The following ASXL3 variants were observed in gnomAD, a reference collection of about 807,000 sequenced individuals.
ASXL3 encodes the protein putative Polycomb group protein ASXL3.
ASXL3 carries 34 observed loss-of-function variants against 170.6 expected under a neutral mutation model. The observed-to-expected ratio is 0.20, with a 90% CI of 0.15 to 0.27. The LOEUF is 0.27. Among genes scored for constraint, ASXL3 ranks in the 10% least tolerant of loss-of-function variants. The pLI is 1.00. For missense variants in ASXL3, 2,592 were observed against 2,695.3 expected (o/e 0.96, Z 0.85); for synonymous variants, 1,002 against 989.1 (o/e 1.01, Z -0.24).
chr18:33,694,709 CT>C, intron 8 of ASXL3, among the ~76,000 whole-genome samples: 1 of 152,028 alleles, frequency 6.6e-6, no homozygotes, highest in East Asian at 1.9e-4. Flanking sequence ...TGTTAAATAA[CT>C]AGTCACTGAA....
chr18:33,732,085 A>G (rs1179028061), intron 9 of ASXL3, 21 bp downstream of exon 9: 1 of 1,585,018 alleles, frequency 6.3e-7, no homozygotes, highest in Non-Finnish European at 8.6e-7. Flanking sequence ...ATTTTCTATT[A>G]TTATGTGACA....
At chr18:33,589,519 C>T (rs941832223) in intron 1 of ASXL3, among the ~76,000 whole-genome samples, 2 of 151,984 alleles carry the variant, frequency 1.3e-5, no homozygotes, top group African/African-American at 4.8e-5. Flanking sequence ...GAAGAAAGGG[C>T]ACAGTAAAAG....
intron 2 of ASXL3, among the ~76,000 whole-genome samples, chr18:33,631,658 T>C (rs953351307): frequency 1.3e-5 from 2 of 152,152 alleles, no homozygotes; most frequent in Admixed American, 6.6e-5. Context: ...GCTGCTGATA[T>C]CAGCGACTCT....
Position 33,746,532 on chromosome 18 carries a change from C to CT in ASXL3, c.6686dup (p.Cys2230LeufsTer3). On this transcript the variant is annotated frameshift_variant, in exon 12 of 12. Transcript: ENST00000269197. LOFTEE classifies it high-confidence loss of function. ...TGATTGTGTGCAAAGGCTGTGGGGC[C>CT]TTCTGCCATGACGACTGCATAGGTC... 1 of 1,612,432 alleles carries CT rather than the reference C, an allele frequency of 6.2e-7. No individual in the cohort carries two copies. The highest frequency in any genetic ancestry group is 8.5e-7 in the Non-Finnish European group (1 of 1,178,866).
At chr18:33,728,940 T>A (rs1032218713) in intron 8 of ASXL3, among the ~76,000 whole-genome samples, 2 of 152,118 alleles carry the variant, frequency 1.3e-5, no homozygotes, top group Non-Finnish European at 2.9e-5. Context: ...CCATCATGGC[T>A]TATATTGAAA....
intron 4 of ASXL3, among the ~76,000 whole-genome samples, chr18:33,652,766 A>T (rs1162826036): frequency 6.6e-6 from 1 of 151,990 alleles, no homozygotes; most frequent in Non-Finnish European, 1.5e-5. Context: ...GAGTTGTGTT[A>T]ACTTAATGAA....
In ASXL3 at chr18:33,744,770, C is replaced by A. The variant is rs773483988; in HGVS notation, c.4922C>A (p.Ala1641Asp). The change falls in exon 12 of 12, where the codon GCT becomes GAT. Residue 1641 changes from alanine to aspartate, a missense_variant. Ala to Asp is a moderately radical substitution (Grantham distance 126). This residue lies in a region of ASXL3 where 2,246 missense variants were observed against 2,219.6 expected (regional missense o/e 1.01). Transcript: ENST00000269197. ...KEYLEQSCPKAIKTEHANYLN... is the reference protein window; with the variant it reads ...KEYLEQSCPKDIKTEHANYLN... The stretch of plus-strand genomic sequence containing the variant: ...TATCTAGAGCAAAGCTGTCCAAAGG[C>A]TATCAAAACTGAACATGCCAACTAC... 2 of 1,614,006 alleles carry A rather than the reference C, an allele frequency of 1.2e-6. No homozygotes were observed. The highest frequency in any genetic ancestry group is 1.7e-6 in the Non-Finnish European group (2 of 1,179,898).
In ASXL3 at chr18:33,745,533, A is replaced by C. The variant is rs753644815; in HGVS notation, c.5685A>C (p.Lys1895Asn). The change falls in exon 12 of 12, where the codon AAA becomes AAC. Residue 1895 changes from lysine (K) to asparagine (N), a missense_variant. Coordinates refer to ENST00000269197, the MANE Select transcript of ASXL3 (RefSeq NM_030632.3). ...QNRIVHSPEV[K>N]QQKRLLPSCS... ...GAATTGTTCACAGCCCTGAGGTCAA[A>C]CAGCAAAAGCGGCTGCTCCCCTCGT... 1 of 1,613,868 alleles carries C rather than the reference A, an allele frequency of 6.2e-7. No individual in the cohort carries two copies. The highest frequency in any genetic ancestry group is 2.2e-5 in the East Asian group (1 of 44,870).
At chr18:33,729,406 G>A (rs1429529345) in intron 8 of ASXL3, among the ~76,000 whole-genome samples, 5 of 152,108 alleles carry the variant, frequency 3.3e-5, no homozygotes, top group African/African-American at 1.2e-4. Flanking sequence ...TTCAGAGAAA[G>A]TCTTAGAGTG....
chr18:33,724,783 A>G (rs961898252), intron 8 of ASXL3, among the ~76,000 whole-genome samples: 3 of 152,108 alleles, frequency 2.0e-5, no homozygotes, highest in Non-Finnish European at 2.9e-5. Context: ...TAAAATACCT[A>G]TTTTGCAAAA....
intron 7 of ASXL3, among the ~76,000 whole-genome samples, chr18:33,680,986 T>G (rs1227302598): frequency 6.6e-6 from 1 of 151,988 alleles, no homozygotes; most frequent in Non-Finnish European, 1.5e-5. Flanking sequence ...TTTTGTGCCT[T>G]CCTTTTGATT....
intron 2 of ASXL3, 82 bp from the exon 3 acceptor site, chr18:33,644,812 G>T: frequency 2.5e-6 from 2 of 792,144 alleles, no homozygotes; most frequent in South Asian, 2.5e-5. Flanking sequence ...TTTTAAGAGA[G>T]AGCGAGCGAG....
Position 33,740,087 on chromosome 18 carries a change from A to T in ASXL3, c.2683A>T (p.Asn895Tyr). The T allele has an allele frequency of 1.2e-6, 2 of 1,613,986 alleles. No homozygotes were observed. Among genetic ancestry groups the T allele is most frequent in the Non-Finnish European group, 1.7e-6 (2 of 1,179,874 alleles). ...VFSEGTDNKG[N>Y]ELPSAKLQDK... ...TTCTGAAGGGACAGATAATAAGGGA[A>T]ATGAGCTTCCATCTGCTAAATTACA... The change falls in exon 11 of 12, where the codon AAT becomes TAT. Residue 895 changes from asparagine (N) to tyrosine (Y), a missense_variant. Around this residue, in one of 4 missense-constraint regions of ASXL3, gnomAD observed 2,246 missense variants for 2,219.6 expected, o/e 1.01. Coordinates refer to ENST00000269197, the MANE Select transcript of ASXL3 (RefSeq NM_030632.3).
intron 8 of ASXL3, among the ~76,000 whole-genome samples, chr18:33,727,733 ATGT>A (rs2067374398): frequency 1.3e-5 from 2 of 152,188 alleles, no homozygotes; most frequent in Admixed American, 6.5e-5. Flanking sequence ...TCTTTCAGAA[ATGT>A]TTATTGTTCC....
chr18:33,742,826 A>G (rs2067686908), intron 11 of ASXL3, 62 bp from the exon 12 acceptor site: 5 of 1,504,354 alleles, frequency 3.3e-6, no homozygotes, highest in Non-Finnish European at 4.4e-6. Flanking sequence ...ATCACATTCT[A>G]CGTGCCTCCT....
At chr18:33,642,117 T>C (rs1379790118) in intron 2 of ASXL3, among the ~76,000 whole-genome samples, 1 of 151,932 alleles carries the variant, frequency 6.6e-6, no homozygotes, top group African/African-American at 2.4e-5. Flanking sequence ...ATATACAATA[T>C]ATAGTATACA....
chr18:33,609,175 T>C (rs2065296000), intron 2 of ASXL3: 11 of 566,248 alleles, frequency 1.9e-5, no homozygotes, highest in Non-Finnish European at 2.5e-5. Context: ...AAACAGGAGA[T>C]TAATTTTCTT....
chr18:33,712,031 T>G (rs2145350660), intron 8 of ASXL3, among the ~76,000 whole-genome samples: 1 of 152,254 alleles, frequency 6.6e-6, no homozygotes, highest in Admixed American at 6.5e-5. Context: ...ATATTTTAGG[T>G]GTTATTTGTT....
At chr18:33,642,257 A>T (rs1425881965) in intron 2 of ASXL3, among the ~76,000 whole-genome samples, 1 of 151,998 alleles carries the variant, frequency 6.6e-6, no homozygotes, top group Non-Finnish European at 1.5e-5. Flanking sequence ...TATGGAATTG[A>T]TGAGGATAGC....
Sources: allele counts gnomAD v4.1 joint callset (sites outside exome capture counted in the v4.1 genomes callset), GRCh38; gene constraint gnomAD v4.1.1; regional missense constraint gnomAD v4.1.1; transcripts MANE v1.5; gene names NCBI Gene and HGNC (gene_info 2026-07-23, HGNC 2026-07-21).